The following CLTCL1 variants were observed in gnomAD, a reference collection of about 807,000 sequenced individuals.
The protein encoded by CLTCL1 is clathrin heavy chain 2.
CLTCL1 carries 159 observed loss-of-function variants against 190.0 expected under a neutral mutation model. The ratio of observed to expected loss-of-function variants is 0.84; its 90% CI spans 0.74 to 0.95. CLTCL1 has a LOEUF of 0.95. CLTCL1 is among the 40% of genes least tolerant of loss of function. The pLI is 0.00. For missense variants in CLTCL1, 1,878 were observed against 2,033.4 expected (o/e 0.92, Z 1.47); for synonymous variants, 752 against 769.6 (o/e 0.98, Z 0.38).
Position 19,199,735 on chromosome 22 carries a change from T to C in CLTCL1, c.3872A>G (p.Gln1291Arg). ...TACCAGCAGAGATCATCTGGTCACC[T>C]GGTAATAGCACATCAGCTCCTCCAG... ...DELEELMCYY[Q>R]DRGYFEELIL... Residue 1291 changes from glutamine (Q) to arginine (R), a missense_variant and splice_region_variant, in exon 24 of 33, where the codon CAG becomes CGG. Transcript: ENST00000427926. The C allele has an allele frequency of 1.3e-6, 2 of 1,581,264 alleles. No homozygotes were observed. The highest frequency in any genetic ancestry group is 1.7e-6 in the Non-Finnish European group (2 of 1,163,394).
chr22:19,202,425 A>C (rs1555940309), intron 22 of CLTCL1, among the ~76,000 whole-genome samples: 39 of 150,148 alleles, frequency 2.6e-4, no homozygotes, highest in South Asian at 8.3e-4. Flanking sequence ...CACCTCCCGC[A>C]CCACCCCTCC....
chr22:19,243,842 C>T (rs5748068), intron 3 of CLTCL1, among the ~76,000 whole-genome samples: 18,617 of 151,222 alleles, frequency 0.12, 1,461 homozygotes, highest in African/African-American at 0.21. Context: ...GGACTATAGG[C>T]GCCCGCCACC....
At chr22:19,234,266 T>C (rs2086007460) in intron 7 of CLTCL1, among the ~76,000 whole-genome samples, 1 of 152,142 alleles carries the variant, frequency 6.6e-6, no homozygotes, top group South Asian at 2.1e-4. Context: ...ATCTAAGCTG[T>C]TGGGTGAGAG....
intron 31 of CLTCL1, 65 bp from the exon 32 acceptor site, chr22:19,180,303 G>T: frequency 1.3e-6 from 2 of 1,540,722 alleles, no homozygotes; most frequent in South Asian, 2.2e-5. Context: ...GAGACCCGCC[G>T]GCGTGCTGCA....
chr22:19,232,156 C>G (rs1293246617), intron 10 of CLTCL1, among the ~76,000 whole-genome samples: 2 of 152,100 alleles, frequency 1.3e-5, no homozygotes, highest in African/African-American at 2.4e-5. Flanking sequence ...CAGGGAGAGA[C>G]AATGATGTAG....
At chr22:19,196,972 G>A (rs539100910) in intron 24 of CLTCL1, among the ~76,000 whole-genome samples, 4 of 152,312 alleles carry the variant, frequency 2.6e-5, no homozygotes, top group East Asian at 3.9e-4. Context: ...GTCTGGGAAT[G>A]ATTTGTTTTA....
In CLTCL1 at chr22:19,196,506, G is replaced by A. The variant is rs536151684; in HGVS notation, c.4024C>T (p.Arg1342Cys). 100 of 1,614,052 alleles carry A rather than the reference G, an allele frequency of 6.2e-5. No individual in the cohort carries two copies. In the Admixed American group the frequency reaches 6.5e-4, roughly 10 times the overall value. Residue 1342 changes from arginine to cysteine, a missense_variant, in exon 25 of 33, where the codon CGT becomes TGT. Arg to Cys is a radical substitution (Grantham distance 180). Coordinates refer to ENST00000427926, the MANE Select transcript of CLTCL1 (RefSeq NM_007098.4). The part of the protein sequence containing the change: ...MLEHLELFWS[R>C]VNIPKVLRAA... ...CACGGTACCTTTGGGATGTTGACACGGGACCAGAAAAGCTCCAGATGCTCC... is the reference window on the plus strand; with the variant it reads ...CACGGTACCTTTGGGATGTTGACACAGGACCAGAAAAGCTCCAGATGCTCC...
intron 1 of CLTCL1, among the ~76,000 whole-genome samples, chr22:19,285,020 A>G (rs2087854065): frequency 6.6e-6 from 1 of 152,092 alleles, no homozygotes; most frequent in Admixed American, 6.6e-5. Context: ...TCACGCCTGT[A>G]ATCCCAGCAC....
intron 5 of CLTCL1, chr22:19,238,779 G>A (rs2086159036): frequency 6.5e-6 from 1 of 153,320 alleles, no homozygotes; most frequent in Non-Finnish European, 1.5e-5. Flanking sequence ...TCAAAGGACT[G>A]TCCCTGGGAG....
At chr22:19,250,585 A>T (rs890000226) in intron 3 of CLTCL1, among the ~76,000 whole-genome samples, 18 of 150,268 alleles carry the variant, frequency 1.2e-4, no homozygotes, top group African/African-American at 4.4e-4. Flanking sequence ...ACAAGGTCTC[A>T]CTCTGTCACC....
intron 2 of CLTCL1, chr22:19,257,760 GAGA>G (rs781937262): frequency 1.8e-5 from 25 of 1,383,492 alleles, no homozygotes; most frequent in South Asian, 1.1e-4. Context: ...CATCTAGAAT[GAGA>G]AGGAGACCAT....
chr22:19,220,497 A>C (rs534384862), intron 17 of CLTCL1, among the ~76,000 whole-genome samples: 1 of 152,250 alleles, frequency 6.6e-6, no homozygotes, highest in Non-Finnish European at 1.5e-5. Context: ...AGATCTAAAA[A>C]CTGTAAACTG....
chr22:19,288,321 T>C (rs2087982509), intron 1 of CLTCL1, among the ~76,000 whole-genome samples: 1 of 152,200 alleles, frequency 6.6e-6, no homozygotes, highest in African/African-American at 2.4e-5. Context: ...TTCAGCTTTA[T>C]CATACATATG....
chr22:19,218,219 G>A (rs1314097967), intron 18 of CLTCL1, among the ~76,000 whole-genome samples: 1 of 152,212 alleles, frequency 6.6e-6, no homozygotes, highest in Non-Finnish European at 1.5e-5. Context: ...TGTTAAAGTG[G>A]CCCTTCCCCA....
intron 27 of CLTCL1, among the ~76,000 whole-genome samples, chr22:19,190,791 C>A (rs1448694864): frequency 7.1e-5 from 8 of 113,152 alleles, no homozygotes; most frequent in African/African-American, 2.3e-4. Context: ...TTTTTTTTTT[C>A]TTTTGAGACA....
intron 3 of CLTCL1, among the ~76,000 whole-genome samples, chr22:19,244,828 C>G (rs2145979010): frequency 6.6e-6 from 1 of 152,328 alleles, no homozygotes; most frequent in African/African-American, 2.4e-5. Context: ...AGGACTGTAG[C>G]AGGCAAGGAT....
chr22:19,188,511 C>T (rs1460192430), intron 27 of CLTCL1, among the ~76,000 whole-genome samples: 3 of 152,092 alleles, frequency 2.0e-5, no homozygotes, highest in Admixed American at 6.5e-5. Flanking sequence ...TTCAGTGACT[C>T]GTAATCTTTT....
chr22:19,247,137 T>C (rs2086443562), intron 3 of CLTCL1, among the ~76,000 whole-genome samples: 1 of 152,230 alleles, frequency 6.6e-6, no homozygotes, highest in Admixed American at 6.5e-5. Flanking sequence ...ACCTTCTACA[T>C]TGAGGTTTCA....
chr22:19,230,254 T>C (rs1555958331), intron 10 of CLTCL1, among the ~76,000 whole-genome samples: 2 of 151,918 alleles, frequency 1.3e-5, no homozygotes, highest in South Asian at 4.2e-4. Context: ...CAGGCACCCG[T>C]CACCACACCC....
Sources: gnomAD v4.1 joint callset for allele counts (sites outside exome capture counted in the v4.1 genomes callset) on GRCh38, gnomAD v4.1.1 for gene constraint, MANE v1.5 for transcripts, NCBI Gene and HGNC (gene_info 2026-07-23, HGNC 2026-07-21) for gene names.